IFT172: variants seen among roughly 807,000 people sequenced by gnomAD.
The protein encoded by IFT172 is intraflagellar transport 172.
IFT172 carries 164 observed loss-of-function variants against 248.9 expected under a neutral mutation model. That is an observed-to-expected ratio of 0.66 (90% confidence interval 0.58 to 0.75). The LOEUF (loss-of-function observed/expected upper bound fraction) is 0.75. Ranked by LOEUF, IFT172 falls within the 30% of genes least tolerant of loss-of-function variation. The pLI is 0.00. For synonymous variants in IFT172, 729 were observed against 791.6 expected, an observed-to-expected ratio of 0.92 and a Z score of 1.33; for missense variants, 1,950 against 2,192.4, an observed-to-expected ratio of 0.89 and a Z score of 2.21.
Position 27,480,104 on chromosome 2 carries a change from C to G in IFT172, c.831G>C (p.Glu277Asp), listed in dbSNP as rs150938554. The G allele has an allele frequency of 2.3e-4, 369 of 1,613,944 alleles. 1 individual carries two copies. The highest frequency in any genetic ancestry group is 3.0e-4 in the Non-Finnish European group (358 of 1,179,978). The stretch of plus-strand genomic sequence containing the variant: ...AATTGGTAATCTCCTTGGGCTTTGC[C>G]TCTTCCCAGATGCTTCTTCGAGGGA... ...NWIPRRSIWE[E>D]AKPKEITNLY... The change falls in exon 9 of 48, where the codon GAG becomes GAC. Residue 277 changes from glutamate to aspartate, a missense_variant. Physicochemically the swap from Glu to Asp is conservative, Grantham distance 45. This residue lies in a region of IFT172 where 1,166 missense variants were observed against 1,254.1 expected (regional missense o/e 0.93). Transcript: ENST00000260570.
Position 27,477,696 on chromosome 2 carries a change from T to C in IFT172, c.1168-84A>G, listed in dbSNP as rs571027604. On this transcript the variant is annotated intron_variant, in intron 11 of 47. Coordinates refer to ENST00000260570, the MANE Select transcript of IFT172 (RefSeq NM_015662.3). ...GAATGAAGAATGACAGGTTGGGAAG[T>C]GGAAAGATATATTTATGTAGGCTTT... is the stretch of plus-strand genomic sequence containing the variant. The C allele has an allele frequency of 8.4e-5, 85 of 1,006,272 alleles. No individual in the cohort carries two copies. The African/African-American group carries it at 1.1e-3, about 13-fold the overall frequency. 62.3% of individuals were successfully genotyped at this position (1,006,272 alleles called of 1,614,324 possible). A position where few individuals can be genotyped will look rare whatever the true frequency, so the allele number is the denominator to read the frequency against.
In IFT172 at chr2:27,461,847, C is replaced by T; in HGVS notation, c.2116-11G>A. On this transcript the variant is annotated splice_polypyrimidine_tract_variant and intron_variant, in intron 20 of 47. Transcript: ENST00000260570. ...CTCCTCCACAGCATTCTAGGGGAAA[C>T]AGGCAGAGCAGAGAGGGACACCAGA... The T allele has an allele frequency of 6.2e-7, 1 of 1,614,092 alleles. No individual in the cohort carries two copies. The highest frequency in any genetic ancestry group is 8.5e-7 in the Non-Finnish European group (1 of 1,180,002).
At position 27,461,255 on chromosome 2, in the gene IFT172, G is replaced by C. The variant is rs778023729; in HGVS notation, c.2442+14C>G. ...GCTCTGGAGATAAGGGCTAGGAAAA[G>C]GAAGCCAGCATACCCTTTCGTAGAG... On this transcript the variant is annotated intron_variant, in intron 22 of 47. Transcript: ENST00000260570. The C allele has an allele frequency of 6.2e-7, 1 of 1,613,576 alleles. No individual in the cohort carries two copies. The highest frequency in any genetic ancestry group is 1.3e-5 in the African/African-American group (1 of 75,028).
intron 1 of IFT172, among the ~76,000 whole-genome samples, 179 bp downstream of exon 1, chr2:27,489,436 G>C (rs1572846294): frequency 6.6e-6 from 1 of 152,228 alleles, no homozygotes; most frequent in East Asian, 1.9e-4. Context: ...AAAGCTACAA[G>C]TCCTTAGCCC....
intron 9 of IFT172, 56 bp downstream of exon 9, chr2:27,479,970 T>C: frequency 6.3e-7 from 1 of 1,581,796 alleles, no homozygotes; most frequent in East Asian, 2.2e-5. Context: ...TAAGGCAGGA[T>C]TTTTTTCTAG....
Position 27,461,500 on chromosome 2 carries a change from C to T in IFT172, c.2211G>A (p.Glu737=), listed in dbSNP as rs1424717536. 6.2e-7 allele frequency: 1 copy of T among 1,613,962 alleles called. No individual in the cohort carries two copies. Among genetic ancestry groups the T allele is most frequent in the African/African-American group, 1.3e-5 (1 of 74,916 alleles). The change falls in exon 22 of 48, where the codon GAG becomes GAA. Residue 737 remains glutamate, a synonymous_variant. Coordinates refer to ENST00000260570, the MANE Select transcript of IFT172 (RefSeq NM_015662.3). ...VAEAKGHPAL[E]KLRRSYYQWL... ...ACTGGTAGTAACTACGACGTAGCTT[C>T]TCCAGGGCTGGGTGCCCCTGGACAT...
intron 7 of IFT172, among the ~76,000 whole-genome samples, chr2:27,482,353 T>C (rs756158507): frequency 1.3e-5 from 2 of 151,416 alleles, no homozygotes; most frequent in Non-Finnish European, 2.9e-5. Flanking sequence ...TTCAATGGCA[T>C]GCGATCTTGG....
chr2:27,485,443 A>G lies in IFT172; in HGVS notation c.100T>C (p.Cys34Arg). 6.2e-7 allele frequency: 1 copy of G among 1,614,174 alleles called. No homozygotes were observed. Among genetic ancestry groups the G allele is most frequent in the Non-Finnish European group, 8.5e-7 (1 of 1,179,998 alleles). The change falls in exon 2 of 48, where the codon TGC (cysteine) becomes CGC (arginine). Residue 34 changes from cysteine to arginine, a missense_variant. Cys to Arg is a radical substitution (Grantham distance 180). Coordinates refer to ENST00000260570, the MANE Select transcript of IFT172 (RefSeq NM_015662.3). The part of the protein sequence containing the change: ...WSQNNAKFAV[C>R]TVDRVVLLYD... ...AGCAAGACCACTCGGTCCACTGTGC[A>G]GACAGCAAATTTGGCATTGTTCTGG... is the stretch of plus-strand genomic sequence containing the variant.
intron 21 of IFT172, 69 bp downstream of exon 21, chr2:27,461,690 G>C: frequency 6.3e-7 from 1 of 1,592,132 alleles, no homozygotes; most frequent in South Asian, 1.1e-5. Flanking sequence ...TGGCCTCCTT[G>C]ACAAAAGGAG....
At chr2:27,474,550 T>C (rs1667824442) in intron 14 of IFT172, among the ~76,000 whole-genome samples, 4 of 152,184 alleles carry the variant, frequency 2.6e-5, no homozygotes, top group Admixed American at 2.0e-4. Context: ...ATTTTCTTTT[T>C]CTTTTCTTTT....
In IFT172 at chr2:27,483,650, C is replaced by T. The variant is rs1461000488; in HGVS notation, c.412G>A (p.Ala138Thr). ...FGLAEGKVRL[A>T]NTKTNKSSTI... ...GATGATTTATTAGTTTTGGTGTTTG[C>T]TAAACGAACCTGAAAATGGAAAAAT... is the stretch of plus-strand genomic sequence containing the variant. Residue 138 changes from alanine to threonine, a missense_variant, in exon 6 of 48, where the codon GCA becomes ACA. Physicochemically the swap from Ala to Thr is moderately conservative, Grantham distance 58. Around this residue, in one of 3 missense-constraint regions of IFT172, gnomAD observed 1,166 missense variants for 1,254.1 expected, o/e 0.93. Coordinates refer to ENST00000260570, the MANE Select transcript of IFT172 (RefSeq NM_015662.3). 1.3e-5 allele frequency: 21 copies of T among 1,613,912 alleles called. No homozygotes were observed. Among genetic ancestry groups the T allele is most frequent in the Non-Finnish European group, 1.8e-5 (21 of 1,180,010 alleles).
chr2:27,457,989 A>G lies in IFT172; in HGVS notation c.2976-13T>C. 6.2e-7 allele frequency: 1 copy of G among 1,614,046 alleles called. No individual in the cohort carries two copies. The highest frequency in any genetic ancestry group is 8.5e-7 in the Non-Finnish European group (1 of 1,180,012). ...TGTCACATATAGCCTGGGGAAGGAG[A>G]TACATCTGGGGCCTCCTAGACCCGA... On this transcript the variant is annotated splice_polypyrimidine_tract_variant and intron_variant, in intron 27 of 47. Transcript: ENST00000260570.
chr2:27,478,252 A>G, intron 10 of IFT172, 96 bp from the exon 11 acceptor site: 3 of 1,387,230 alleles, frequency 2.2e-6, no homozygotes, highest in Non-Finnish European at 3.0e-6. Flanking sequence ...CACTAAACAA[A>G]GCTAATACCT....
intron 7 of IFT172, among the ~76,000 whole-genome samples, chr2:27,482,274 TG>T (rs1186746520): frequency 3.4e-5 from 5 of 148,192 alleles, no homozygotes; most frequent in Admixed American, 2.7e-4. Context: ...TGAGACACTG[TG>T]CCCGGCCTAT....
chr2:27,475,878 C>G (rs369429137), intron 14 of IFT172, among the ~76,000 whole-genome samples: 1 of 151,768 alleles, frequency 6.6e-6, no homozygotes, highest in Non-Finnish European at 1.5e-5. Context: ...GCAATCCGCC[C>G]GCCTCAGCCT....
intron 11 of IFT172, 120 bp from the exon 12 acceptor site, chr2:27,477,732 A>T (rs1668073565): frequency 1.2e-6 from 1 of 824,394 alleles, no homozygotes; most frequent in Non-Finnish European, 2.1e-6. Flanking sequence ...GGCACTACAC[A>T]AAAGAGGTGC....
chr2:27,485,485 T>C lies in IFT172; in HGVS notation c.58A>G (p.Thr20Ala). 6.2e-7 allele frequency: 1 copy of C among 1,614,052 alleles called. No individual in the cohort carries two copies. ...LSPQDGAAKV[T>A]CMAWSQNNAK... The stretch of plus-strand genomic sequence containing the variant: ...TTGTTCTGGGACCAAGCCATGCAGG[T>C]CACCTTTGCAGCTCCATCCTGTAGA... The change falls in exon 2 of 48, where the codon ACC (threonine) becomes GCC (alanine). Residue 20 changes from threonine to alanine, a missense_variant. Physicochemically the swap from Thr to Ala is moderately conservative, Grantham distance 58 (BLOSUM62 0). This residue lies in a region of IFT172 where 1,166 missense variants were observed against 1,254.1 expected (regional missense o/e 0.93). Coordinates refer to ENST00000260570, the MANE Select transcript of IFT172 (RefSeq NM_015662.3).
At position 27,444,496 on chromosome 2, in the gene IFT172, T is replaced by C. The variant is rs765993455; in HGVS notation, c.5186A>G (p.Asp1729Gly). The C allele has an allele frequency of 6.2e-7, 1 of 1,613,682 alleles. No homozygotes were observed. Among genetic ancestry groups the C allele is most frequent in the Non-Finnish European group, 8.5e-7 (1 of 1,179,810 alleles). ...CCACTGACTGATGAATTTCAGCACGTCCTGGCACACTGGGCTGTGGGAGGT... is the reference window on the plus strand; with the variant it reads ...CCACTGACTGATGAATTTCAGCACGCCCTGGCACACTGGGCTGTGGGAGGT... ...IKTSHSPVCQ[D>G]VLKFISQWCG... The change falls in exon 48 of 48, where the codon GAC becomes GGC. Residue 1729 changes from aspartate (D) to glycine (G), a missense_variant. Coordinates refer to ENST00000260570, the MANE Select transcript of IFT172 (RefSeq NM_015662.3).
chr2:27,460,916 C>T, intron 23 of IFT172, 99 bp downstream of exon 23: 1 of 1,290,804 alleles, frequency 7.7e-7, no homozygotes, highest in Non-Finnish European at 1.1e-6. Flanking sequence ...GAGAAACACC[C>T]ACAGGTGTGT....
Sources: allele counts gnomAD v4.1 joint callset (sites outside exome capture counted in the v4.1 genomes callset), GRCh38; gene constraint gnomAD v4.1.1; regional missense constraint gnomAD v4.1.1; transcripts MANE v1.5; gene names NCBI Gene and HGNC (gene_info 2026-07-23, HGNC 2026-07-21).